Variants in CORIN observed in about 807,000 individuals in gnomAD.
CORIN encodes atrial natriuretic peptide-converting enzyme.
In CORIN, 117 loss-of-function variants were observed where a neutral mutation model predicts 125.3. That is an observed-to-expected ratio of 0.93 (90% CI 0.80 to 1.09). The LOEUF (loss-of-function observed/expected upper bound fraction) is 1.09. Ranked by LOEUF, CORIN falls within the 50% of genes least tolerant of loss-of-function variation. The pLI is 0.00. For missense variants in CORIN, 1,253 were observed against 1,306.7 expected, an observed-to-expected ratio of 0.96 and a Z score of 0.63; for synonymous variants, 450 against 466.4, an observed-to-expected ratio of 0.96 and a Z score of 0.45.
At chr4:47,669,018 A>G (rs1724609195) in intron 10 of CORIN, among the ~76,000 whole-genome samples, 1 of 152,214 alleles carries the variant, frequency 6.6e-6, no homozygotes. Flanking sequence ...TGATTTAAAA[A>G]TCGCCACTAG....
At position 47,763,595 on chromosome 4, in the gene CORIN, T is replaced by C. The variant is rs1464315323; in HGVS notation, c.410-9A>G. 1 of 1,611,486 alleles carries C rather than the reference T, an allele frequency of 6.2e-7. No homozygotes were observed. Among genetic ancestry groups the C allele is most frequent in the East Asian group, 2.2e-5 (1 of 44,884 alleles). Reference sequence around the variant, plus strand: ...GATGTTCATACAGGCACCTGGGAAGTAAAGACATGCACATTTAAGAGTGGA... The same window carrying C: ...GATGTTCATACAGGCACCTGGGAAGCAAAGACATGCACATTTAAGAGTGGA... On this transcript the variant is annotated splice_polypyrimidine_tract_variant and intron_variant, in intron 3 of 21. Coordinates refer to ENST00000273857, the MANE Select transcript of CORIN (RefSeq NM_006587.4).
At chr4:47,818,291 C>G (rs1452595134) in intron 1 of CORIN, among the ~76,000 whole-genome samples, 1 of 152,144 alleles carries the variant, frequency 6.6e-6, no homozygotes, top group Non-Finnish European at 1.5e-5. Flanking sequence ...AAGTGAGACT[C>G]TGAAGGTCTG....
intron 2 of CORIN, among the ~76,000 whole-genome samples, chr4:47,803,279 C>T (rs1419034225): frequency 1.3e-5 from 2 of 152,256 alleles, no homozygotes; most frequent in East Asian, 3.9e-4. Flanking sequence ...TTCCATAGTA[C>T]TCAAAGCAAT....
At chr4:47,615,513 T>A (rs1376005982) in intron 19 of CORIN, among the ~76,000 whole-genome samples, 1 of 152,316 alleles carries the variant, frequency 6.6e-6, no homozygotes, top group South Asian at 2.1e-4. Context: ...ATGGAGGTAA[T>A]CAAGTTAAAA....
chr4:47,661,486 G>A (rs1356131172), intron 12 of CORIN: 1 of 477,282 alleles, frequency 2.1e-6, no homozygotes, highest in Non-Finnish European at 3.7e-6. Flanking sequence ...TAAAAGAATA[G>A]AAATAGAAAA....
chr4:47,614,513 T>C (rs555281023), intron 19 of CORIN, among the ~76,000 whole-genome samples: 1 of 152,274 alleles, frequency 6.6e-6, no homozygotes, highest in Non-Finnish European at 1.5e-5. Context: ...ACCTCCAATT[T>C]CTATATTCAA....
chr4:47,803,064 C>T (rs1263167187), intron 2 of CORIN, among the ~76,000 whole-genome samples: 1 of 152,108 alleles, frequency 6.6e-6, no homozygotes, highest in Non-Finnish European at 1.5e-5. Context: ...ATTATAGGGT[C>T]GCAGGCCCAA....
chr4:47,614,244 G>A (rs557744526), intron 19 of CORIN, among the ~76,000 whole-genome samples: 2 of 152,276 alleles, frequency 1.3e-5, no homozygotes, highest in African/African-American at 2.4e-5. Flanking sequence ...CCAGGCTGGA[G>A]TGCAATGGCA....
At chr4:47,774,717 G>A (rs1730213816) in intron 3 of CORIN, among the ~76,000 whole-genome samples, 1 of 152,160 alleles carries the variant, frequency 6.6e-6, no homozygotes, top group Non-Finnish European at 1.5e-5. Flanking sequence ...CAGACTGTAA[G>A]ACTAGCCCCA....
At chr4:47,642,742 A>T in intron 15 of CORIN, 1 of 905,100 alleles carries the variant, frequency 1.1e-6, no homozygotes, top group Non-Finnish European at 1.6e-6. Flanking sequence ...GACAGTTAGA[A>T]GTCTTGGACC....
intron 6 of CORIN, among the ~76,000 whole-genome samples, chr4:47,687,894 T>C (rs61761800): frequency 1.3e-5 from 2 of 152,194 alleles, no homozygotes; most frequent in African/African-American, 2.4e-5. Flanking sequence ...CTTCCAGCTC[T>C]AGAAAAGGGT....
intron 4 of CORIN, among the ~76,000 whole-genome samples, chr4:47,747,698 C>T (rs1430839575): frequency 1.3e-5 from 2 of 152,116 alleles, no homozygotes; most frequent in African/African-American, 4.8e-5. Flanking sequence ...TACAGGAAAG[C>T]CTCAGTCTAT....
chr4:47,762,659 A>G (rs909302830), intron 4 of CORIN, among the ~76,000 whole-genome samples: 2 of 152,136 alleles, frequency 1.3e-5, no homozygotes, highest in Admixed American at 1.3e-4. Flanking sequence ...TTTAAAGTAT[A>G]AGATTTGGGA....
rs577700686 is a variant in CORIN at position 47,639,792 on chromosome 4, A to G, written c.2198+2128T>C. The stretch of plus-strand genomic sequence containing the variant: ...CAGCTGGTCTCGAGAGACAGTGGTC[A>G]CATGGCAGCTGCCTGAGCCTGTTCC... On this transcript the variant is annotated intron_variant, in intron 16 of 21. Coordinates refer to ENST00000273857, the MANE Select transcript of CORIN (RefSeq NM_006587.4). 1.6e-3 allele frequency among the ~76,000 whole-genome samples: 247 copies of G among 152,346 alleles called. 1 individual carries two copies. Among genetic ancestry groups the G allele is most frequent in the Non-Finnish European group, 3.2e-3 (218 of 68,036 alleles).
At chr4:47,649,625 G>A (rs908110323) in intron 13 of CORIN, among the ~76,000 whole-genome samples, 3 of 152,178 alleles carry the variant, frequency 2.0e-5, no homozygotes, top group African/African-American at 2.4e-5. Context: ...CTGGCCAAAC[G>A]TCACACAGCC....
At chr4:47,697,252 A>G (rs1270977704) in intron 5 of CORIN, among the ~76,000 whole-genome samples, 1 of 152,188 alleles carries the variant, frequency 6.6e-6, no homozygotes, top group Non-Finnish European at 1.5e-5. Flanking sequence ...GTAAAAGACA[A>G]GAGGTGAGAA....
At chr4:47,611,256 C>T (rs1482798502) in intron 19 of CORIN, among the ~76,000 whole-genome samples, 1 of 152,080 alleles carries the variant, frequency 6.6e-6, no homozygotes, top group African/African-American at 2.4e-5. Flanking sequence ...TTGTTTGTGT[C>T]CTCTCTGATT....
At chr4:47,793,213 A>G (rs1399687516) in intron 2 of CORIN, among the ~76,000 whole-genome samples, 2 of 152,102 alleles carry the variant, frequency 1.3e-5, no homozygotes, top group Non-Finnish European at 2.9e-5. Context: ...TGTAGCACAT[A>G]TGCACTCAAG....
rs1197161370 is a variant in CORIN, at chr4:47,595,360, C to CT, written c.*360dup. 1 of 159,496 alleles carries CT rather than the reference C, an allele frequency of 6.3e-6. No individual in the cohort carries two copies. Among genetic ancestry groups the CT allele is most frequent in the Non-Finnish European group, 1.4e-5 (1 of 73,040 alleles). The allele number at this position is 159,496 out of a possible 1,614,324, so 9.9% of individuals were successfully genotyped here. On this transcript the variant is annotated 3_prime_UTR_variant, in exon 22 of 22. Transcript: ENST00000273857. ...AATTAATCAGCCTAAATATCTATGT[C>CT]TTTTTTTGTGATAGGATAAAAGAGA...
Sources: gnomAD v4.1 joint callset for allele counts (sites outside exome capture counted in the v4.1 genomes callset) on GRCh38, gnomAD v4.1.1 for gene constraint, MANE v1.5 for transcripts, NCBI Gene and HGNC (gene_info 2026-07-23, HGNC 2026-07-21) for gene names.